The following IFT140 variants were observed in gnomAD, a reference collection of about 807,000 sequenced individuals.
The protein encoded by IFT140 is intraflagellar transport protein 140 homolog.
Under a neutral mutation model 164.6 loss-of-function variants are expected in IFT140, and 133 were observed. The ratio of observed to expected loss-of-function variants is 0.81; its 90% CI spans 0.70 to 0.93. The LOEUF is 0.93. IFT140 is among the 40% of genes least tolerant of loss of function. The pLI is 0.00. For synonymous variants in IFT140, 860 were observed against 817.3 expected (o/e 1.05, Z -0.89); for missense variants, 2,045 against 1,972.3 (o/e 1.04, Z -0.70).
chr16:1,512,391 G>A (rs1165903095), intron 30 of IFT140, among the ~76,000 whole-genome samples: 4 of 152,120 alleles, frequency 2.6e-5, no homozygotes, highest in African/African-American at 9.7e-5. Context: ...GGTGGTGCAC[G>A]TGACCCCGGG....
intron 3 of IFT140, among the ~76,000 whole-genome samples, chr16:1,605,906 T>C (rs1355605363): frequency 6.6e-6 from 1 of 152,170 alleles, no homozygotes; most frequent in Non-Finnish European, 1.5e-5. Context: ...GTGAGGTCAT[T>C]AGAGCAGGCC....
At chr16:1,604,762 C>T (rs1021882177) in intron 3 of IFT140, among the ~76,000 whole-genome samples, 9 of 151,916 alleles carry the variant, frequency 5.9e-5, no homozygotes, top group Admixed American at 2.0e-4. Context: ...CAGCAGCAGA[C>T]TCGCCAGAGG....
chr16:1,561,293 A>G (rs1412271630), intron 18 of IFT140, among the ~76,000 whole-genome samples: 1 of 152,242 alleles, frequency 6.6e-6, no homozygotes. Context: ...GAAGCAGAGA[A>G]TGACTGTTTC....
intron 19 of IFT140, among the ~76,000 whole-genome samples, chr16:1,552,460 T>A (rs1321069107): frequency 6.6e-6 from 1 of 152,034 alleles, no homozygotes; most frequent in African/African-American, 2.4e-5. Flanking sequence ...CGGCAGAAAG[T>A]GCCAGACCCC....
At chr16:1,542,066 C>A in intron 19 of IFT140, 1 of 1,606,796 alleles carries the variant, frequency 6.2e-7, no homozygotes, top group Non-Finnish European at 8.5e-7. Flanking sequence ...CCGCTGCATT[C>A]CAACTGGCGA....
At chr16:1,512,950 C>G (rs2040216673) in intron 30 of IFT140, 1 of 152,252 alleles carries the variant, frequency 6.6e-6, no homozygotes, top group African/African-American at 2.4e-5. Flanking sequence ...GACCTTTCAG[C>G]CCTGAGGGAG....
At chr16:1,578,973 A>G (rs1439257535) in intron 13 of IFT140, among the ~76,000 whole-genome samples, 2 of 152,148 alleles carry the variant, frequency 1.3e-5, no homozygotes, top group Non-Finnish European at 2.9e-5. Context: ...CGCCCTCCCC[A>G]AAGTGCTCAG....
Position 1,524,805 on chromosome 16 carries a change from G to A in IFT140, c.2976C>T (p.Cys992=). Residue 992 remains cysteine, a synonymous_variant, in exon 23 of 31, where the codon TGC becomes TGT. Transcript: ENST00000426508. ...TTACCTTCTGGACATTGCCCTGGAA[G>A]CAGTGGATGCGGACCAGGGAGAAGT... is the stretch of plus-strand genomic sequence containing the variant. ...RDHFSLVRIH[C]FQGNVQKAAQ... is the part of the protein sequence containing the mutation. The A allele has an allele frequency of 1.2e-6, 2 of 1,610,460 alleles. No individual in the cohort carries two copies. Among genetic ancestry groups the A allele is most frequent in the East Asian group, 4.5e-5 (2 of 44,724 alleles).
chr16:1,607,503 G>A (rs905887445), intron 2 of IFT140, among the ~76,000 whole-genome samples: 7 of 152,102 alleles, frequency 4.6e-5, no homozygotes, highest in East Asian at 1.9e-4. Context: ...AGTTAGACCC[G>A]GAATCACCCA....
At position 1,523,615 on chromosome 16, in the gene IFT140, T is replaced by C; in HGVS notation, c.3356A>G (p.Glu1119Gly). The C allele has an allele frequency of 6.2e-7, 1 of 1,613,970 alleles. No homozygotes were observed. The highest frequency in any genetic ancestry group is 1.1e-5 in the South Asian group (1 of 91,086). The part of the protein sequence containing the change: ...ALQLIAEDLD[E>G]TSDPALLARC... ...GGCCAGGAGCGCAGGGTCTGACGTC[T>C]CATCCAGGTCCTCTGCTATGAGCTG... The change falls in exon 26 of 31, where the codon GAG becomes GGG. Residue 1119 changes from glutamate to glycine, a missense_variant. Glu to Gly is a moderately conservative substitution (Grantham distance 98). Coordinates refer to ENST00000426508, the MANE Select transcript of IFT140 (RefSeq NM_014714.4).
chr16:1,592,203 G>T lies in IFT140; in HGVS notation c.607C>A (p.Leu203Met), dbSNP rs145788654. 2 of 1,614,092 alleles carry T rather than the reference G, an allele frequency of 1.2e-6. No individual in the cohort carries two copies. Among genetic ancestry groups the T allele is most frequent in the Non-Finnish European group, 8.5e-7 (1 of 1,180,008 alleles). ...SLLKMGSHEGLLFFVSLMDGT... is the reference protein window; with the variant it reads ...SLLKMGSHEGMLFFVSLMDGT... Reference sequence around the variant, plus strand: ...TCCATCAGACTGACAAAGAACAACAGCCCCTCGTGAGACCCCATCTTCAGC... The same window carrying T: ...TCCATCAGACTGACAAAGAACAACATCCCCTCGTGAGACCCCATCTTCAGC... Residue 203 changes from leucine to methionine, a missense_variant, in exon 6 of 31, where the codon CTG becomes ATG. Transcript: ENST00000426508.
chr16:1,567,174 C>T (rs1488216468), intron 15 of IFT140, among the ~76,000 whole-genome samples: 6 of 152,232 alleles, frequency 3.9e-5, no homozygotes, highest in Non-Finnish European at 8.8e-5. Flanking sequence ...AGCCCCACTG[C>T]AGCTGCTCGA....
intron 4 of IFT140, among the ~76,000 whole-genome samples, chr16:1,598,528 G>T (rs1425713502): frequency 6.6e-6 from 1 of 152,194 alleles, no homozygotes; most frequent in Non-Finnish European, 1.5e-5. Flanking sequence ...AAACATAAAT[G>T]AAAATTCTAA....
intron 13 of IFT140, among the ~76,000 whole-genome samples, chr16:1,574,653 G>C (rs1285952125): frequency 6.6e-6 from 1 of 152,122 alleles, no homozygotes; most frequent in Admixed American, 6.5e-5. Flanking sequence ...GTCACTCCTA[G>C]CTTCAACCCC....
At chr16:1,561,032 C>A (rs1010976864) in intron 18 of IFT140, among the ~76,000 whole-genome samples, 1 of 152,260 alleles carries the variant, frequency 6.6e-6, no homozygotes, top group Non-Finnish European at 1.5e-5. Flanking sequence ...CCTGCAGAAC[C>A]CCTGTGGGGC....
chr16:1,561,833 G>A, intron 18 of IFT140, 152 bp downstream of exon 18: 1 of 681,190 alleles, frequency 1.5e-6, no homozygotes. Flanking sequence ...GGCGACAAGT[G>A]AGACTGGATG....
chr16:1,568,120 T>A, intron 15 of IFT140, 97 bp downstream of exon 15: 1 of 815,236 alleles, frequency 1.2e-6, no homozygotes. Flanking sequence ...CAGGAAGACT[T>A]GCACAGGAGG....
intron 12 of IFT140, among the ~76,000 whole-genome samples, chr16:1,581,419 G>T (rs1395608226): frequency 6.6e-6 from 1 of 151,822 alleles, no homozygotes; most frequent in Non-Finnish European, 1.5e-5. Context: ...GGCCAACATC[G>T]TGGAATGTTG....
intron 19 of IFT140, among the ~76,000 whole-genome samples, chr16:1,549,093 C>T (rs753532206): frequency 6.6e-6 from 1 of 152,154 alleles, no homozygotes; most frequent in Non-Finnish European, 1.5e-5. Context: ...ATGCCTAGGG[C>T]CGCGCAGGTT....
Sources: allele counts gnomAD v4.1 joint callset (sites outside exome capture counted in the v4.1 genomes callset), GRCh38; gene constraint gnomAD v4.1.1; transcripts MANE v1.5; gene names NCBI Gene and HGNC (gene_info 2026-07-23, HGNC 2026-07-21).